The following IL31RA variants were observed in gnomAD, a reference collection of about 807,000 sequenced individuals.
The protein encoded by IL31RA is interleukin 31 receptor A.
Under a neutral mutation model 83.7 loss-of-function variants are expected in IL31RA, and 66 were observed. The observed-to-expected ratio is 0.79, with a 90% CI of 0.65 to 0.97. The LOEUF is 0.97. Ranked by LOEUF, IL31RA falls within the 50% of genes least tolerant of loss-of-function variation. The probability of loss-of-function intolerance (pLI) is 0.00; values close to 1 mark genes in which losing one functional copy is unlikely to be tolerated. For missense variants in IL31RA, 798 were observed against 919.4 expected (o/e 0.87, Z 1.71); for synonymous variants, 325 against 329.0 (o/e 0.99, Z 0.13).
chr5:55,864,637 G>A (rs566310740), intron 2 of IL31RA, among the ~76,000 whole-genome samples: 58 of 141,866 alleles, frequency 4.1e-4, no homozygotes, highest in East Asian at 2.3e-3. Context: ...CAGACCACAC[G>A]CACACACCAA....
intron 4 of IL31RA, among the ~76,000 whole-genome samples, chr5:55,880,206 A>G (rs1747116863): frequency 6.6e-6 from 1 of 152,234 alleles, no homozygotes; most frequent in Admixed American, 6.5e-5. Flanking sequence ...AGCTCTACTT[A>G]CTAGTGGCCA....
At chr5:55,841,979 T>A in the IL31RA span, among the ~76,000 whole-genome samples, 1 of 152,032 alleles carries the variant, frequency 6.6e-6, no homozygotes. Flanking sequence ...ATGGTCTTGC[T>A]ATGTTGCCCA....
intron 1 of IL31RA, among the ~76,000 whole-genome samples, chr5:55,857,542 T>G (rs757442292): frequency 2.0e-5 from 3 of 152,188 alleles, no homozygotes; most frequent in Admixed American, 1.3e-4. Flanking sequence ...AGTCATTAGC[T>G]CATTTCTCTT....
intron 12 of IL31RA, among the ~76,000 whole-genome samples, chr5:55,910,990 A>G (rs542560993): frequency 5.1e-4 from 78 of 152,280 alleles, no homozygotes; most frequent in African/African-American, 1.8e-3. Flanking sequence ...CTCCCATCTC[A>G]AGGCTGTCTC....
intron 6 of IL31RA, among the ~76,000 whole-genome samples, chr5:55,891,874 C>T (rs1435897531): frequency 7.0e-6 from 1 of 143,312 alleles, no homozygotes; most frequent in African/African-American, 2.5e-5. Flanking sequence ...CTCCCAGGTT[C>T]ACACCATTCT....
At chr5:55,912,098 G>A (rs1370987091) in intron 12 of IL31RA, among the ~76,000 whole-genome samples, 1 of 152,130 alleles carries the variant, frequency 6.6e-6, no homozygotes. Context: ...AGGGTTAAAT[G>A]AAGGCAAGAT....
At chr5:55,857,126 T>TCTGGCTCCTTCAGC (rs1481934267) in intron 1 of IL31RA, among the ~76,000 whole-genome samples, 3 of 151,606 alleles carry the variant, frequency 2.0e-5, no homozygotes, top group African/African-American at 7.3e-5. Flanking sequence ...TGAGACAGCA[T>TCTGGCTCCTTCAGC]CTGGCTCTGT....
intron 7 of IL31RA, among the ~76,000 whole-genome samples, chr5:55,898,572 A>G (rs982298597): frequency 6.6e-6 from 1 of 151,048 alleles, no homozygotes. Context: ...TGTTATTTTA[A>G]AAAGATTTTA....
intron 6 of IL31RA, among the ~76,000 whole-genome samples, chr5:55,890,410 C>T (rs185278580): frequency 1.8e-3 from 279 of 152,348 alleles, no homozygotes; most frequent in African/African-American, 6.5e-3. Flanking sequence ...TACTCTGTCA[C>T]CCAGGATGGA....
At chr5:55,846,594 C>T (rs569146105), upstream of IL31RA, among the ~76,000 whole-genome samples, 4 of 152,024 alleles carry the variant, frequency 2.6e-5, no homozygotes, top group South Asian at 2.1e-4. Context: ...GTCAGGAGTT[C>T]GAGACCAGCC....
At chr5:55,906,520 C>T (rs1406670024) in intron 9 of IL31RA, among the ~76,000 whole-genome samples, 2 of 152,176 alleles carry the variant, frequency 1.3e-5, no homozygotes, top group East Asian at 1.9e-4. Context: ...AGGTGGAAAA[C>T]ACCATCTTAA....
At chr5:55,851,343 T>C (rs1580636700), upstream of IL31RA, 1 of 643,908 alleles carries the variant, frequency 1.6e-6, no homozygotes, top group East Asian at 2.8e-5. Context: ...ACACACATAT[T>C]TTCTCCATGA....
Position 55,913,532 on chromosome 5 carries a change from C to T in IL31RA, c.1698C>T (p.Leu566=). ...TSLIGGGLLI[L]IILTVAYGLK... is the part of the protein sequence containing the mutation. Reference sequence around the variant, plus strand: ...TGATTGGTGGAGGCCTTCTTATTCTCATTATCCTGACAGTGGCATATGGTC... The same window carrying T: ...TGATTGGTGGAGGCCTTCTTATTCTTATTATCCTGACAGTGGCATATGGTC... The change falls in exon 13 of 15, where the codon CTC becomes CTT. Residue 566 remains leucine (L), a synonymous_variant. Transcript: ENST00000652347. 1 of 1,613,444 alleles carries T rather than the reference C, an allele frequency of 6.2e-7. No individual in the cohort carries two copies. Among genetic ancestry groups the T allele is most frequent in the South Asian group, 1.1e-5 (1 of 91,066 alleles).
the IL31RA span, among the ~76,000 whole-genome samples, chr5:55,841,988 C>T: frequency 6.6e-6 from 1 of 151,680 alleles, no homozygotes; most frequent in East Asian, 1.9e-4. Context: ...CTATGTTGCC[C>T]AAGCTGGTGT....
chr5:55,870,971 GA>G (rs1746469649), intron 3 of IL31RA, among the ~76,000 whole-genome samples: 1 of 152,226 alleles, frequency 6.6e-6, no homozygotes, highest in Admixed American at 6.5e-5. Flanking sequence ...AATAAATGCA[GA>G]AATATTCAAC....
chr5:55,870,991 T>G (rs188279490), intron 3 of IL31RA, among the ~76,000 whole-genome samples: 1 of 152,238 alleles, frequency 6.6e-6, no homozygotes, highest in Non-Finnish European at 1.5e-5. Flanking sequence ...ACTACAATTA[T>G]AGTAATAACA....
intron 2 of IL31RA, among the ~76,000 whole-genome samples, chr5:55,864,887 A>C (rs1285028893): frequency 6.6e-6 from 1 of 151,686 alleles, no homozygotes; most frequent in Non-Finnish European, 1.5e-5. Context: ...CATGACATAC[A>C]CACCGCACAC....
rs1436153534 is a variant in IL31RA, at chr5:55,903,487, T to G, written c.1070-2619T>G. On this transcript the variant is annotated intron_variant, in intron 8 of 14. Transcript: ENST00000652347. The surrounding 1 kb of genome is among the most constrained non-coding windows in gnomAD (Gnocchi z 4.7). The stretch of plus-strand genomic sequence containing the variant: ...GATTCGTTTATATTGAGTAGAGTGA[T>G]GACTTGGAAATTCCCCTTTTGGCGC... 1.3e-5 allele frequency among the ~76,000 whole-genome samples: 2 copies of G among 152,224 alleles called. No individual in the cohort carries two copies. Among genetic ancestry groups the G allele is most frequent in the Admixed American group, 1.3e-4 (2 of 15,282 alleles).
rs958986388 is a variant in IL31RA, at chr5:55,918,965, A to C, written c.*1845A>C. 6.6e-6 allele frequency among the ~76,000 whole-genome samples: 1 copy of C among 152,106 alleles called. No homozygotes were observed. The highest frequency in any genetic ancestry group is 2.4e-5 in the African/African-American group (1 of 41,426). Reference sequence around the variant, plus strand: ...AAGTCCAGGTGTAGGAAGGGACCAAACAAAAGAGATGCGTCCAATTCTCAT... The same window carrying C: ...AAGTCCAGGTGTAGGAAGGGACCAACCAAAAGAGATGCGTCCAATTCTCAT... On this transcript the variant is annotated 3_prime_UTR_variant, in exon 15 of 15. Transcript: ENST00000652347.
Sources: allele counts gnomAD v4.1 joint callset (sites outside exome capture counted in the v4.1 genomes callset), GRCh38; gene constraint gnomAD v4.1.1; non-coding constraint Gnocchi (gnomAD v3.1); transcripts MANE v1.5; gene names NCBI Gene and HGNC (gene_info 2026-07-23, HGNC 2026-07-21).